The following TAOK1 variants were observed in gnomAD, a reference collection of about 807,000 sequenced individuals.
TAOK1 encodes serine/threonine-protein kinase TAO1.
In TAOK1, 21 loss-of-function variants were observed where a neutral mutation model predicts 138.3. The observed-to-expected ratio is 0.15, with a 90% CI of 0.11 to 0.22. TAOK1 has a LOEUF of 0.22. Among genes scored for constraint, TAOK1 ranks in the 10% least tolerant of loss-of-function variants. The probability of loss-of-function intolerance (pLI) is 1.00; values close to 1 mark genes in which losing one functional copy is unlikely to be tolerated. For synonymous variants in TAOK1, 361 were observed against 398.4 expected, an observed-to-expected ratio of 0.91 and a Z score of 1.12; for missense variants, 651 against 1,227.7, an observed-to-expected ratio of 0.53 and a Z score of 7.02.
At chr17:29,456,878 C>T (rs1203554947) in intron 2 of TAOK1, among the ~76,000 whole-genome samples, 1 of 149,638 alleles carries the variant, frequency 6.7e-6, no homozygotes, top group Non-Finnish European at 1.5e-5. Context: ...GGACTACAGG[C>T]GCCTGTCACC....
In TAOK1 at chr17:29,451,453, A is replaced by T; in HGVS notation, c.-94-2A>T. ...TGACTTTTTTTTTCTATTTTTCTAC[A>T]GTAGTTTATGCCAACGTGACTTCAT... On this transcript the variant is annotated splice_acceptor_variant, in intron 1 of 19. Transcript: ENST00000261716. LOFTEE classifies it low-confidence loss of function (5UTR_SPLICE). 7.1e-7 allele frequency: 1 copy of T among 1,403,674 alleles called. No individual in the cohort carries two copies. The highest frequency in any genetic ancestry group is 9.4e-7 in the Non-Finnish European group (1 of 1,066,052). The allele number at this position is 1,403,674 out of a possible 1,614,324, so 87.0% of individuals were successfully genotyped here.
intron 3 of TAOK1, among the ~76,000 whole-genome samples, chr17:29,472,653 A>C (rs116356900): frequency 0.014 from 1,965 of 145,046 alleles, 44 homozygotes; most frequent in African/African-American, 0.047. Context: ...GGCTCACCGC[A>C]ACCTCCGCCC....
At chr17:29,474,975 T>C (rs1278486286) in intron 3 of TAOK1, among the ~76,000 whole-genome samples, 2 of 152,224 alleles carry the variant, frequency 1.3e-5, no homozygotes, top group Non-Finnish European at 2.9e-5. Context: ...AGTTTCGCTC[T>C]GTCACCAGGC....
chr17:29,446,287 A>G (rs1212778886), intron 1 of TAOK1, among the ~76,000 whole-genome samples: 4 of 151,498 alleles, frequency 2.6e-5, no homozygotes, highest in Non-Finnish European at 5.9e-5. Context: ...TATTCTATTT[A>G]GTATTTCCTT....
At chr17:29,499,371 ACAGGTGTGTG>A (rs1331502776) in intron 12 of TAOK1, among the ~76,000 whole-genome samples, 2 of 150,754 alleles carry the variant, frequency 1.3e-5, no homozygotes, top group Non-Finnish European at 2.9e-5. Context: ...AGCTGGAATT[ACAGGTGTGTG>A]CCACCCTGCC....
At chr17:29,531,626 G>C (rs1483244100) in intron 18 of TAOK1, among the ~76,000 whole-genome samples, 1 of 151,822 alleles carries the variant, frequency 6.6e-6, no homozygotes, top group African/African-American at 2.4e-5. Flanking sequence ...AGCCAGGCGT[G>C]GTGGTGGGCG....
In TAOK1 at chr17:29,466,109, G is replaced by A. The variant is rs188855775; in HGVS notation, c.133-1036G>A. On this transcript the variant is annotated intron_variant, in intron 2 of 19. Transcript: ENST00000261716. Reference sequence around the variant, plus strand: ...CCCCTTGACTTTTAAAAGATGTGGTGAATTATGAAATGTTTTTCTAGTTTC... The same window carrying A: ...CCCCTTGACTTTTAAAAGATGTGGTAAATTATGAAATGTTTTTCTAGTTTC... Among the ~76,000 whole-genome samples, 42 of 152,148 alleles carry A rather than the reference G, an allele frequency of 2.8e-4. No homozygotes were observed. The East Asian group carries it at 8.1e-3, about 29-fold the overall frequency.
intron 2 of TAOK1, among the ~76,000 whole-genome samples, chr17:29,466,031 C>T (rs1305382136): frequency 6.6e-6 from 1 of 151,722 alleles, no homozygotes; most frequent in Non-Finnish European, 1.5e-5. Flanking sequence ...ATACATTTAG[C>T]GTTAGGCCTG....
Position 29,495,730 on chromosome 17 carries a change from A to G in TAOK1, c.999+3A>G. On this transcript the variant is annotated splice_donor_region_variant and intron_variant, in intron 11 of 19. Transcript: ENST00000261716. ...TAGAAGCACAGGAAGAAGAAGAGGT[A>G]AGAGATAAAAAAATGACTCCAATAT... 1 of 1,589,334 alleles carries G rather than the reference A, an allele frequency of 6.3e-7. No homozygotes were observed. Among genetic ancestry groups the G allele is most frequent in the African/African-American group, 1.4e-5 (1 of 73,832 alleles).
intron 1 of TAOK1, among the ~76,000 whole-genome samples, chr17:29,434,801 C>G (rs1468672451): frequency 6.6e-6 from 1 of 152,174 alleles, no homozygotes; most frequent in Non-Finnish European, 1.5e-5. Flanking sequence ...TCATTTGCCT[C>G]TGGATCCCTC....
intron 3 of TAOK1, 79 bp from the exon 4 acceptor site, chr17:29,475,591 T>G (rs2153026439): frequency 1.0e-6 from 1 of 956,430 alleles, no homozygotes; most frequent in South Asian, 1.6e-5. Flanking sequence ...TCTTCTAAAT[T>G]TAGTAATTAC....
At chr17:29,537,982 C>G (rs867557304) in intron 19 of TAOK1, among the ~76,000 whole-genome samples, 1 of 151,688 alleles carries the variant, frequency 6.6e-6, no homozygotes, top group African/African-American at 2.4e-5. Context: ...CATGGTGGTG[C>G]GTGCCTGTAA....
chr17:29,521,687 A>G (rs554171379), intron 16 of TAOK1, among the ~76,000 whole-genome samples: 95 of 152,154 alleles, frequency 6.2e-4, no homozygotes, highest in African/African-American at 2.2e-3. Context: ...AGTTCATGCC[A>G]TTCTCCTGCC....
chr17:29,458,939 T>C lies in TAOK1; in HGVS notation c.132+7259T>C, dbSNP rs927420719. ...TTTACCATGTTGGCCAGGCTGGTCT[T>C]GAATTCCTGACCTCAAGAGATCCAC... is the stretch of plus-strand genomic sequence containing the variant. On this transcript the variant is annotated intron_variant, in intron 2 of 19. Transcript: ENST00000261716. Among the ~76,000 whole-genome samples the C allele has an allele frequency of 4.6e-5, 7 of 151,954 alleles. No homozygotes were observed. The East Asian group carries it at 1.4e-3, about 29-fold the overall frequency.
chr17:29,397,752 C>CGTATGTATATATGTATACAT (rs1190579158), intron 1 of TAOK1, among the ~76,000 whole-genome samples: 6 of 116,478 alleles, frequency 5.2e-5, no homozygotes, highest in African/African-American at 2.1e-4. Context: ...TATATATACA[C>CGTATGTATATATGTATACAT]GTATGTATAT....
intron 1 of TAOK1, among the ~76,000 whole-genome samples, chr17:29,424,436 CAAAAAAA>C (rs781589064): frequency 0.023 from 1,681 of 72,012 alleles, 21 homozygotes; most frequent in Non-Finnish European, 0.035. Context: ...GACTCCCTCT[CAAAAAAA>C]AAAAAAAAAA....
intron 18 of TAOK1, among the ~76,000 whole-genome samples, chr17:29,533,203 G>C (rs2032159047): frequency 6.6e-6 from 1 of 150,664 alleles, no homozygotes; most frequent in South Asian, 2.1e-4. Context: ...ATCCCAGATG[G>C]GGTGGCGGGG....
chr17:29,509,181 AT>A (rs1001308055), intron 14 of TAOK1, among the ~76,000 whole-genome samples: 2 of 151,650 alleles, frequency 1.3e-5, no homozygotes, highest in Non-Finnish European at 2.9e-5. Flanking sequence ...TATTTTTATT[AT>A]TTTTTGAGAC....
intron 6 of TAOK1, among the ~76,000 whole-genome samples, chr17:29,479,261 T>G (rs558334145): frequency 6.6e-6 from 1 of 152,354 alleles, no homozygotes; most frequent in African/African-American, 2.4e-5. Flanking sequence ...TAATGTATTT[T>G]TGGCACTGGT....
Sources: gnomAD v4.1 joint callset for allele counts (sites outside exome capture counted in the v4.1 genomes callset) on GRCh38, gnomAD v4.1.1 for gene constraint, MANE v1.5 for transcripts, NCBI Gene and HGNC (gene_info 2026-07-23, HGNC 2026-07-21) for gene names.